LOXL2: variants seen among roughly 807,000 people sequenced by gnomAD.
LOXL2 encodes lysyl oxidase homolog 2.
LOXL2 carries 70 observed loss-of-function variants against 93.0 expected under a neutral mutation model. The observed-to-expected ratio is 0.75, with a 90% CI of 0.62 to 0.92. The LOEUF is 0.92. Ranked by LOEUF, LOXL2 falls within the 40% of genes least tolerant of loss-of-function variation. The probability of loss-of-function intolerance (pLI) is 0.00; values close to 1 mark genes in which losing one functional copy is unlikely to be tolerated. For synonymous variants in LOXL2, 438 were observed against 413.2 expected, an observed-to-expected ratio of 1.06 and a Z score of -0.73; for missense variants, 973 against 1,054.9, an observed-to-expected ratio of 0.92 and a Z score of 1.08.
At position 23,341,149 on chromosome 8, in the gene LOXL2, G is replaced by A. The variant is rs143674437; in HGVS notation, c.586C>T (p.Arg196Cys). 36 of 1,613,722 alleles carry A rather than the reference G, an allele frequency of 2.2e-5. No individual in the cohort carries two copies. The highest frequency in any genetic ancestry group is 4.5e-5 in the East Asian group (2 of 44,888). The change falls in exon 4 of 14, where the codon CGC becomes TGC. Residue 196 changes from arginine to cysteine, a missense_variant. Transcript: ENST00000389131. The part of the protein sequence containing the change: ...IRIRAILSTY[R>C]KRTPVMEGYV... The stretch of plus-strand genomic sequence containing the variant: ...CCCTCCATCACTGGGGTGCGCTTGC[G>A]GTAGGTTGAGAGGATGGCTCGAATC...
At chr8:23,359,029 T>A (rs1054323415) in intron 3 of LOXL2, among the ~76,000 whole-genome samples, 1 of 152,064 alleles carries the variant, frequency 6.6e-6, no homozygotes, top group African/African-American at 2.4e-5. Flanking sequence ...TTTTTTTGTA[T>A]TTTTAGTAGA....
intron 13 of LOXL2, 63 bp from the exon 14 acceptor site, chr8:23,298,185 T>TGA: frequency 7.5e-7 from 1 of 1,326,444 alleles, no homozygotes; most frequent in Non-Finnish European, 1.1e-6. Context: ...TGCCTGACCC[T>TGA]GAGCCAGGGG....
At chr8:23,329,758 C>T (rs1203714618) in intron 5 of LOXL2, among the ~76,000 whole-genome samples, 1 of 152,228 alleles carries the variant, frequency 6.6e-6, no homozygotes, top group Non-Finnish European at 1.5e-5. Context: ...GAACTGCCTT[C>T]ACCCTACCAC....
At position 23,301,933 on chromosome 8, in the gene LOXL2, C is replaced by T; in HGVS notation, c.2133+94G>A. The T allele has an allele frequency of 2.7e-6, 4 of 1,495,988 alleles. No homozygotes were observed. The South Asian group carries it at 4.8e-5, about 18-fold the overall frequency. 92.7% of individuals were successfully genotyped at this position (1,495,988 alleles called of 1,614,324 possible). A position where few individuals can be genotyped will look rare whatever the true frequency, so the allele number is the denominator to read the frequency against. On this transcript the variant is annotated intron_variant, in intron 12 of 13. Coordinates refer to ENST00000389131, the MANE Select transcript of LOXL2 (RefSeq NM_002318.3). ...CTTGCCCTTTAGACAGCCTGACTTC[C>T]ATGCCCCTGTGTGGACACCAATGGG...
rs530084568 is a variant in LOXL2 at position 23,351,292 on chromosome 8, C to G, written c.531+8798G>C. Among the ~76,000 whole-genome samples the G allele has an allele frequency of 2.0e-5, 3 of 152,322 alleles. No individual in the cohort carries two copies. In the East Asian group the frequency reaches 5.8e-4, roughly 29 times the overall value. ...TAGGCTCATTGCAGAACCAGGCTGA[C>G]CGCTGCCCACTCTGCCCTAGTCACA... On this transcript the variant is annotated intron_variant, in intron 3 of 13. Coordinates refer to ENST00000389131, the MANE Select transcript of LOXL2 (RefSeq NM_002318.3).
chr8:23,390,529 T>C (rs1464663899), intron 1 of LOXL2, among the ~76,000 whole-genome samples: 1 of 152,244 alleles, frequency 6.6e-6, no homozygotes, highest in African/African-American at 2.4e-5. Flanking sequence ...AAGAGGTCTT[T>C]GTTGGCATAA....
chr8:23,317,068 A>G lies in LOXL2; in HGVS notation c.1517T>C (p.Met506Thr), dbSNP rs1339251849. The G allele has an allele frequency of 2.5e-6, 4 of 1,614,192 alleles. No individual in the cohort carries two copies. The highest frequency in any genetic ancestry group is 2.5e-6 in the Non-Finnish European group (3 of 1,180,010). Residue 506 changes from methionine (M) to threonine (T), a missense_variant, in exon 9 of 14, where the codon ATG (methionine) becomes ACG (threonine). Coordinates refer to ENST00000389131, the MANE Select transcript of LOXL2 (RefSeq NM_002318.3). ...CGTTCCCGAGCACTTCACTCCACTCATGACCACTTTGTTGCTGTTGACATC... is the reference window on the plus strand; with the variant it reads ...CGTTCCCGAGCACTTCACTCCACTCGTGACCACTTTGTTGCTGTTGACATC... ...HGDVNSNKVV[M>T]SGVKCSGTEL...
Position 23,310,173 on chromosome 8 carries a change from G to T in LOXL2, c.1637-262C>A, listed in dbSNP as rs544197648. On this transcript the variant is annotated intron_variant, in intron 9 of 13. Coordinates refer to ENST00000389131, the MANE Select transcript of LOXL2 (RefSeq NM_002318.3). ...TCTCACACACCTGGTCCTAGGCTAC[G>T]AGCGAAGCACAGATCATGGTACGTT... Among the ~76,000 whole-genome samples, 3 of 152,360 alleles carry T rather than the reference G, an allele frequency of 2.0e-5. No individual in the cohort carries two copies. The East Asian group carries it at 5.8e-4, about 29-fold the overall frequency.
intron 6 of LOXL2, among the ~76,000 whole-genome samples, chr8:23,322,666 A>G (rs975598167): frequency 1.3e-5 from 2 of 152,236 alleles, no homozygotes; most frequent in African/African-American, 4.8e-5. Flanking sequence ...CTATTGCTGT[A>G]TCTGTCAAGG....
At chr8:23,340,517 C>T (rs370528671) in intron 4 of LOXL2, among the ~76,000 whole-genome samples, 215 of 152,310 alleles carry the variant, frequency 1.4e-3, no homozygotes, top group African/African-American at 4.9e-3. Flanking sequence ...GTGAACTGCA[C>T]GGACCAGTGT....
intron 1 of LOXL2, among the ~76,000 whole-genome samples, chr8:23,376,085 T>C (rs1475248408): frequency 6.6e-6 from 1 of 152,044 alleles, no homozygotes; most frequent in African/African-American, 2.4e-5. Context: ...TTGTCATGAA[T>C]AGCTCTTATT....
At chr8:23,385,664 C>A (rs1025688218) in intron 1 of LOXL2, 1 of 472,074 alleles carries the variant, frequency 2.1e-6, no homozygotes, top group Non-Finnish European at 3.9e-6. Context: ...AGTGCTAAGA[C>A]AGGTATTTCA....
chr8:23,315,106 A>G lies in LOXL2; in HGVS notation c.1636+1843T>C, dbSNP rs1803373638. Among the ~76,000 whole-genome samples, 2 of 152,168 alleles carry G rather than the reference A, an allele frequency of 1.3e-5. 1 individual carries two copies. Among genetic ancestry groups the G allele is most frequent in the South Asian group, 4.1e-4 (2 of 4,830 alleles). ...GAGGAGGGGAAGCCACCGCAGGGCCACGTATCACTGTAGGGATCTCCTTTG... is the reference window on the plus strand; with the variant it reads ...GAGGAGGGGAAGCCACCGCAGGGCCGCGTATCACTGTAGGGATCTCCTTTG... On this transcript the variant is annotated intron_variant, in intron 9 of 13. Coordinates refer to ENST00000389131, the MANE Select transcript of LOXL2 (RefSeq NM_002318.3).
intron 1 of LOXL2, among the ~76,000 whole-genome samples, chr8:23,374,106 C>A (rs1269192548): frequency 5.6e-5 from 7 of 124,352 alleles, no homozygotes; most frequent in Non-Finnish European, 1.2e-4. Flanking sequence ...CCCCTCCCCC[C>A]ACCCCACAAC....
chr8:23,376,583 T>C lies in LOXL2; in HGVS notation c.-83-8149A>G, dbSNP rs184980836. Among the ~76,000 whole-genome samples the C allele has an allele frequency of 6.9e-3, 1,047 of 152,300 alleles. 12 individuals carry two copies. The highest frequency in any genetic ancestry group is 0.024 in the African/African-American group (977 of 41,558). On this transcript the variant is annotated intron_variant, in intron 1 of 13. Transcript: ENST00000389131. ...CTGTCTGGTCCTGGCCTTTTTTTGG[T>C]TGGTAGGCTATTAATTATTGCCTCA...
At chr8:23,393,680 A>C (rs1015187133) in intron 1 of LOXL2, among the ~76,000 whole-genome samples, 5 of 152,228 alleles carry the variant, frequency 3.3e-5, no homozygotes, top group Admixed American at 6.5e-5. Context: ...ACAAAAGGAA[A>C]ATATACGTAA....
At chr8:23,375,554 G>A (rs372568457) in intron 1 of LOXL2, among the ~76,000 whole-genome samples, 39 of 152,202 alleles carry the variant, frequency 2.6e-4, no homozygotes, top group East Asian at 2.1e-3. Flanking sequence ...CCATTTTCAC[G>A]TTATTGATTC....
At chr8:23,372,087 T>G (rs1279286905) in intron 1 of LOXL2, among the ~76,000 whole-genome samples, 2 of 152,050 alleles carry the variant, frequency 1.3e-5, no homozygotes, top group African/African-American at 2.4e-5. Flanking sequence ...TTGTTACAAA[T>G]AGAAAAAATA....
intron 10 of LOXL2, among the ~76,000 whole-genome samples, chr8:23,309,185 G>A (rs916408656): frequency 1.1e-4 from 16 of 152,034 alleles, no homozygotes; most frequent in Admixed American, 6.5e-4. Flanking sequence ...GGGTTTCACC[G>A]TGTTAGCCAG....
Sources: allele counts gnomAD v4.1 joint callset (sites outside exome capture counted in the v4.1 genomes callset), GRCh38; gene constraint gnomAD v4.1.1; transcripts MANE v1.5; gene names NCBI Gene and HGNC (gene_info 2026-07-23, HGNC 2026-07-21).